ADGRG4: variants seen among roughly 807,000 people sequenced by gnomAD.
The protein encoded by ADGRG4 is G protein-coupled receptor 112.
ADGRG4 carries 122 observed loss-of-function variants against 126.2 expected under a neutral mutation model. The observed-to-expected ratio is 0.97, with a 90% CI of 0.83 to 1.12. The LOEUF (loss-of-function observed/expected upper bound fraction) is 1.12, where lower values mean the gene tolerates loss of function less well. Among genes scored for constraint, ADGRG4 ranks in the 50% most tolerant of loss-of-function variants. The probability of loss-of-function intolerance (pLI) is 0.00; values close to 1 mark genes in which losing one functional copy is unlikely to be tolerated. For synonymous variants in ADGRG4, 943 were observed against 838.7 expected, an observed-to-expected ratio of 1.12 and a Z score of -2.15; for missense variants, 2,481 against 2,251.8, an observed-to-expected ratio of 1.10 and a Z score of -2.06.
At chrX:136,414,633 C>T (rs1013110125) in intron 25 of ADGRG4, among the ~76,000 whole-genome samples, 1 of 112,445 alleles carries the variant, frequency 8.9e-6, no homozygotes, top group Non-Finnish European at 1.9e-5. Flanking sequence ...TGTCACAGAC[C>T]ATTAAAACCA....
chrX:136,366,001 T>C (rs2075156329), intron 13 of ADGRG4, among the ~76,000 whole-genome samples: 1 of 112,141 alleles, frequency 8.9e-6, no homozygotes, highest in African/African-American at 3.2e-5. Context: ...ACCAGAGTGG[T>C]ATGTTTGTTA....
At position 136,309,519 on chromosome X, in the gene ADGRG4, A is replaced by G. The variant is rs761656036; in HGVS notation, c.70+672A>G. ...GTTTGTAGCATTGCTTATTTAGCAC[A>G]TAAGTACTTAGCTAAAAGGTCATAA... On this transcript the variant is annotated intron_variant, in intron 4 of 25. Transcript: ENST00000394143. Among the ~76,000 whole-genome samples, 8 of 112,462 alleles carry G rather than the reference A, an allele frequency of 7.1e-5. No homozygotes were observed. The East Asian group carries it at 1.4e-3, about 20-fold the overall frequency.
In ADGRG4 at chrX:136,348,246, T is replaced by A. The variant is rs1428583119; in HGVS notation, c.4540T>A (p.Ser1514Thr). 1.7e-6 allele frequency: 2 copies of A among 1,210,721 alleles called. No homozygotes were observed. The highest frequency in any genetic ancestry group is 3.5e-5 in the South Asian group (2 of 56,932). Residue 1514 changes from serine to threonine, a missense_variant, in exon 6 of 26, where the codon TCC becomes ACC. Ser to Thr is a moderately conservative substitution (Grantham distance 58). Coordinates refer to ENST00000394143, the MANE Select transcript of ADGRG4 (RefSeq NM_153834.4). ...MATSTPIYQM[S>T]SLPVNVTAFT... ...AACGTCCACTCCTATTTACCAGATG[T>A]CCTCATTGCCAGTTAATGTAACTGC...
Position 136,306,138 on chromosome X carries a change from A to ACTTGTCTC in ADGRG4, c.-10+1115_-10+1116insCTTGTCTC, listed in dbSNP as rs2074731874. The ACTTGTCTC allele has an allele frequency of 1.8e-5, 2 of 111,342 alleles. 1 individual carries two copies. Among genetic ancestry groups the ACTTGTCTC allele is most frequent in the African/African-American group, 6.5e-5 (2 of 30,626 alleles). The allele number at this position is 111,342 out of a possible 1,213,427, so 9.2% of individuals were successfully genotyped here. A position where few individuals can be genotyped will look rare whatever the true frequency, so the allele number is the denominator to read the frequency against. ...CAAGATCTGGTCATTTGAGGGTGGGAAGTTAAAAGAGTCCAGTTCTCAGGT... is the reference window on the plus strand; with the variant it reads ...CAAGATCTGGTCATTTGAGGGTGGGACTTGTCTCAGTTAAAAGAGTCCAGTTCTCAGGT... On this transcript the variant is annotated intron_variant, in intron 3 of 25. Transcript: ENST00000394143.
At position 136,397,983 on chromosome X, in the gene ADGRG4, G is replaced by T. The variant is rs747463767; in HGVS notation, c.8287G>T (p.Val2763Leu). 5 of 1,206,248 alleles carry T rather than the reference G, an allele frequency of 4.1e-6. No individual in the cohort carries two copies. The Admixed American group carries it at 6.6e-5, about 16-fold the overall frequency. Residue 2763 changes from valine (V) to leucine (L), a missense_variant, in exon 20 of 26, where the codon GTG becomes TTG. By Grantham distance (32) the Val-to-Leu change is conservative. Transcript: ENST00000394143. ...CTCCATTTTTCTGGGAGTTGCAGTG[G>T]TGACATACATAGCTTTTCAGTAAGT... ...ISSIFLGVAV[V>L]TYIAFHKLRK...
At position 136,352,483 on chromosome X, in the gene ADGRG4, T is replaced by C. The variant is rs748573883; in HGVS notation, c.6823-854T>C. ...GAGTTTGAGACTAGCCTGGGCAACA[T>C]GGCGAGATCTTGTTTTCTTTAAAAA... On this transcript the variant is annotated intron_variant, in intron 7 of 25. Transcript: ENST00000394143. Among the ~76,000 whole-genome samples the C allele has an allele frequency of 5.5e-5, 6 of 109,282 alleles. No homozygotes were observed. In the South Asian group the frequency reaches 2.4e-3, roughly 44 times the overall value. The allele number at this position is 109,282 out of a possible 115,157, so 94.9% of individuals were successfully genotyped here.
chrX:136,383,876 T>TTCTTC (rs1556017640), intron 15 of ADGRG4, among the ~76,000 whole-genome samples: 1 of 77,630 alleles, frequency 1.3e-5, no homozygotes, highest in Non-Finnish European at 2.6e-5. Context: ...CTTTCTTTCT[T>TTCTTC]CTTTCTTCCT....
intron 4 of ADGRG4, among the ~76,000 whole-genome samples, chrX:136,317,499 CAAAAAAAA>C (rs35736381): frequency 5.4e-3 from 221 of 40,628 alleles, no homozygotes; most frequent in Middle Eastern, 0.019. Context: ...GACTCCATCT[CAAAAAAAA>C]AAAAAAAAAA....
At chrX:136,357,651 T>C in intron 9 of ADGRG4, 53 bp from the exon 10 acceptor site, 3 of 850,657 alleles carry the variant, frequency 3.5e-6, no homozygotes, top group Non-Finnish European at 5.2e-6. Flanking sequence ...CTGTACTCAG[T>C]TATGACATTT....
chrX:136,331,910 G>A (rs1270438772), intron 5 of ADGRG4, among the ~76,000 whole-genome samples: 12 of 106,505 alleles, frequency 1.1e-4, no homozygotes, highest in Non-Finnish European at 1.9e-4. Context: ...TCCGCCTCCC[G>A]GGGTCACACC....
intron 7 of ADGRG4, among the ~76,000 whole-genome samples, chrX:136,352,571 C>T (rs1374997756): frequency 4.5e-5 from 5 of 110,834 alleles, no homozygotes; most frequent in Non-Finnish European, 9.5e-5. Flanking sequence ...TTTTAAGGCA[C>T]TTAAGTATTT....
At chrX:136,370,703 C>T (rs1364753493) in intron 13 of ADGRG4, among the ~76,000 whole-genome samples, 3 of 111,628 alleles carry the variant, frequency 2.7e-5, no homozygotes, top group Non-Finnish European at 5.7e-5. Flanking sequence ...CATTCATTGA[C>T]ACTTGTTGAA....
At chrX:136,371,291 G>A (rs1422813128) in intron 13 of ADGRG4, 37 bp from the exon 14 acceptor site, 2 of 984,813 alleles carry the variant, frequency 2.0e-6, no homozygotes, top group African/African-American at 1.9e-5. Context: ...AGAAGACTAA[G>A]TCATGCAGCT....
At chrX:136,393,162 G>A (rs1407937762) in intron 17 of ADGRG4, among the ~76,000 whole-genome samples, 1 of 111,845 alleles carries the variant, frequency 8.9e-6, no homozygotes, top group East Asian at 2.8e-4. Context: ...CTGTCCATAA[G>A]GCTTGATCTC....
rs955281488 is a variant in ADGRG4, at chrX:136,363,530, A to C, written c.7331A>C (p.Gln2444Pro). ...KSQWEKPKFK[Q>P]CKLLQELPDK... ...CAGTGGGAAAAGCCAAAGTTTAAAC[A>C]ATGCAAATTGCTTCAAGAACTTCCT... is the stretch of plus-strand genomic sequence containing the variant. The change falls in exon 13 of 26, where the codon CAA becomes CCA. Residue 2444 changes from glutamine to proline, a missense_variant. Transcript: ENST00000394143. 2.5e-6 allele frequency: 3 copies of C among 1,204,435 alleles called. No individual in the cohort carries two copies. The highest frequency in any genetic ancestry group is 3.0e-5 in the East Asian group (1 of 33,799).
Position 136,361,584 on chromosome X carries a change from T to G in ADGRG4, c.7274T>G (p.Phe2425Cys), listed in dbSNP as rs751513262. Residue 2425 changes from phenylalanine (F) to cysteine (C), a missense_variant, in exon 12 of 26, where the codon TTC (phenylalanine) becomes TGC (cysteine). By Grantham distance (205) the Phe-to-Cys change is radical. Transcript: ENST00000394143. ...IKNEDGNATR[F>C]CSISINTGKS... Reference sequence around the variant, plus strand: ...AATGAGGATGGAAATGCCACAAGATTCTGGTATGTACAGGCCAAGTTCTAA... The same window carrying G: ...AATGAGGATGGAAATGCCACAAGATGCTGGTATGTACAGGCCAAGTTCTAA... 5 of 1,172,083 alleles carry G rather than the reference T, an allele frequency of 4.3e-6. No individual in the cohort carries two copies. The highest frequency in any genetic ancestry group is 5.7e-6 in the Non-Finnish European group (5 of 873,242).
chrX:136,399,355 T>C (rs972408162), intron 20 of ADGRG4, among the ~76,000 whole-genome samples: 1 of 111,325 alleles, frequency 9.0e-6, no homozygotes, highest in Non-Finnish European at 1.9e-5. Flanking sequence ...TCAAAGGGGG[T>C]AATACTTTTT....
chrX:136,351,612 G>A, intron 7 of ADGRG4, 71 bp downstream of exon 7: 1 of 409,094 alleles, frequency 2.4e-6, no homozygotes, highest in Non-Finnish European at 3.9e-6. Flanking sequence ...ATATATGACA[G>A]AATATATTAA....
At chrX:136,367,659 T>C (rs989316713) in intron 13 of ADGRG4, among the ~76,000 whole-genome samples, 2 of 112,330 alleles carry the variant, frequency 1.8e-5, no homozygotes, top group African/African-American at 6.5e-5. Context: ...GTTTATTATC[T>C]TTGGAAGAAT....
Sources: gnomAD v4.1 joint callset for allele counts (sites outside exome capture counted in the v4.1 genomes callset) on GRCh38, gnomAD v4.1.1 for gene constraint, MANE v1.5 for transcripts, NCBI Gene and HGNC (gene_info 2026-07-23, HGNC 2026-07-21) for gene names.